BMP5: variants seen among roughly 807,000 people sequenced by gnomAD.
BMP5 encodes the protein bone morphogenetic protein 5.
A neutral mutation model predicts 46.6 loss-of-function variants in BMP5; 23 were observed. The ratio of observed to expected loss-of-function variants is 0.49; its 90% CI spans 0.35 to 0.70. The LOEUF is 0.70. BMP5 is among the 30% of genes least tolerant of loss of function. The pLI is 0.00. For synonymous variants in BMP5, 204 were observed against 191.9 expected (o/e 1.06, Z -0.52); for missense variants, 545 against 565.6 (o/e 0.96, Z 0.37).
intron 3 of BMP5, among the ~76,000 whole-genome samples, chr6:55,793,142 G>T (rs1452790570): frequency 6.6e-6 from 1 of 152,074 alleles, no homozygotes; most frequent in Non-Finnish European, 1.5e-5. Flanking sequence ...TAGAGTGTTT[G>T]AACTTTGAGT....
At chr6:55,769,482 C>A (rs1208122608) in intron 4 of BMP5, among the ~76,000 whole-genome samples, 1 of 151,848 alleles carries the variant, frequency 6.6e-6, no homozygotes, top group Non-Finnish European at 1.5e-5. Context: ...GCTTGTAATT[C>A]AAGTTCTCTT....
chr6:55,805,752 C>T (rs1405722371), intron 2 of BMP5, among the ~76,000 whole-genome samples: 2 of 152,072 alleles, frequency 1.3e-5, no homozygotes, highest in Non-Finnish European at 2.9e-5. Flanking sequence ...TTTTAATAAT[C>T]GCCATTCTGA....
chr6:55,841,279 A>AT (rs1009910751), intron 1 of BMP5, among the ~76,000 whole-genome samples: 2 of 151,882 alleles, frequency 1.3e-5, no homozygotes, highest in Admixed American at 6.6e-5. Flanking sequence ...ATTTTCAGTT[A>AT]TTTTTTTCTA....
At chr6:55,834,811 C>T (rs1474303461) in intron 1 of BMP5, among the ~76,000 whole-genome samples, 7 of 152,008 alleles carry the variant, frequency 4.6e-5, no homozygotes, top group East Asian at 3.9e-4. Context: ...CCAGGTGCAG[C>T]GGCTCACGCC....
chr6:55,850,268 G>A (rs1777198806), intron 1 of BMP5, among the ~76,000 whole-genome samples: 1 of 152,006 alleles, frequency 6.6e-6, no homozygotes, highest in African/African-American at 2.4e-5. Flanking sequence ...GCTTAGACAT[G>A]CCTGGCAAAT....
At chr6:55,821,897 A>T (rs1447878408) in intron 1 of BMP5, among the ~76,000 whole-genome samples, 1 of 152,192 alleles carries the variant, frequency 6.6e-6, no homozygotes, top group Non-Finnish European at 1.5e-5. Flanking sequence ...CTTTCAGGGA[A>T]CTAAATCTAA....
chr6:55,763,469 A>G (rs1774834889), intron 4 of BMP5, among the ~76,000 whole-genome samples: 1 of 152,158 alleles, frequency 6.6e-6, no homozygotes, highest in African/African-American at 2.4e-5. Flanking sequence ...ATTAATGGAT[A>G]GTGAGTGAAG....
intron 4 of BMP5, among the ~76,000 whole-genome samples, chr6:55,769,686 G>A (rs2127519374): frequency 6.6e-6 from 1 of 151,796 alleles, no homozygotes; most frequent in Middle Eastern, 3.4e-3. Context: ...ATCCTTCAGG[G>A]GAATCACTAT....
At chr6:55,855,870 A>G (rs1337823552) in intron 1 of BMP5, among the ~76,000 whole-genome samples, 1 of 152,196 alleles carries the variant, frequency 6.6e-6, no homozygotes, top group Non-Finnish European at 1.5e-5. Context: ...GCTCTTTTAT[A>G]TATTTTATGA....
chr6:55,864,508 A>T (rs1172615197), intron 1 of BMP5, among the ~76,000 whole-genome samples: 1 of 152,096 alleles, frequency 6.6e-6, no homozygotes, highest in East Asian at 1.9e-4. Context: ...TTAAAACAGC[A>T]TGAGACACTC....
chr6:55,841,875 T>C (rs1776966862), intron 1 of BMP5, among the ~76,000 whole-genome samples: 1 of 150,680 alleles, frequency 6.6e-6, no homozygotes, highest in Non-Finnish European at 1.5e-5. Flanking sequence ...ACATATGAAT[T>C]TGGAGAGAAC....
At position 55,870,488 on chromosome 6, in the gene BMP5, TG is replaced by T. The variant is rs767547226; in HGVS notation, c.490+3887del. ...CATAATTTATGAATATATACTATAA[TG>T]GCTTTATATTATCTTTCCTTCCAAC... On this transcript the variant is annotated intron_variant, in intron 1 of 6. Coordinates refer to ENST00000370830, the MANE Select transcript of BMP5 (RefSeq NM_021073.4). Among the ~76,000 whole-genome samples, 1,386 of 152,246 alleles carry T rather than the reference TG, an allele frequency of 9.1e-3. 17 individuals carry two copies. The highest frequency in any genetic ancestry group is 0.016 in the Non-Finnish European group (1,084 of 68,008).
chr6:55,759,675 G>GA (rs1296907308), intron 5 of BMP5, among the ~76,000 whole-genome samples: 3 of 151,618 alleles, frequency 2.0e-5, no homozygotes, highest in South Asian at 2.1e-4. Flanking sequence ...GGTCTCTTTA[G>GA]AAAAAATAAA....
At chr6:55,835,574 A>G (rs1776774590) in intron 1 of BMP5, among the ~76,000 whole-genome samples, 1 of 152,194 alleles carries the variant, frequency 6.6e-6, no homozygotes, top group Non-Finnish European at 1.5e-5. Context: ...ATTGTTAACA[A>G]TGCATGTTGT....
intron 4 of BMP5, among the ~76,000 whole-genome samples, chr6:55,768,962 T>C (rs1187941242): frequency 6.6e-6 from 1 of 151,930 alleles, no homozygotes; most frequent in Non-Finnish European, 1.5e-5. Context: ...ATTATATCTT[T>C]AAAAATGTAC....
chr6:55,794,815 A>G (rs1360148033), intron 2 of BMP5, among the ~76,000 whole-genome samples: 4 of 152,176 alleles, frequency 2.6e-5, no homozygotes, highest in African/African-American at 4.8e-5. Flanking sequence ...GTTTGGATGA[A>G]TGTGAATTCT....
chr6:55,770,740 T>A (rs1241519767), intron 4 of BMP5, among the ~76,000 whole-genome samples: 3 of 151,930 alleles, frequency 2.0e-5, no homozygotes, highest in African/African-American at 7.2e-5. Flanking sequence ...AAATCTTCCT[T>A]TCATTTGAAC....
intron 3 of BMP5, among the ~76,000 whole-genome samples, chr6:55,778,810 C>T (rs974285665): frequency 3.3e-5 from 5 of 151,964 alleles, no homozygotes; most frequent in Admixed American, 6.6e-5. Context: ...GAGGCTGGAG[C>T]GCTGAACTAC....
In BMP5 at chr6:55,874,951, T is replaced by G; in HGVS notation, c.-86A>C. 2.0e-6 allele frequency: 3 copies of G among 1,512,566 alleles called. No homozygotes were observed. The highest frequency in any genetic ancestry group is 8.9e-7 in the Non-Finnish European group (1 of 1,118,598). 93.7% of individuals were successfully genotyped at this position (1,512,566 alleles called of 1,614,324 possible). A position where few individuals can be genotyped will look rare whatever the true frequency, so the allele number is the denominator to read the frequency against. ...AACCTAAGGTTCTAGGAGGTACAGTTTCCCAGTAGCTGAAAAAACAAATTT... is the reference window on the plus strand; with the variant it reads ...AACCTAAGGTTCTAGGAGGTACAGTGTCCCAGTAGCTGAAAAAACAAATTT... On this transcript the variant is annotated 5_prime_UTR_variant, in exon 1 of 7. Coordinates refer to ENST00000370830, the MANE Select transcript of BMP5 (RefSeq NM_021073.4).
Sources: gnomAD v4.1 joint callset for allele counts (sites outside exome capture counted in the v4.1 genomes callset) on GRCh38, gnomAD v4.1.1 for gene constraint, MANE v1.5 for transcripts, NCBI Gene and HGNC (gene_info 2026-07-23, HGNC 2026-07-21) for gene names.